The following CTNNA3 variants were observed in gnomAD, a reference collection of about 807,000 sequenced individuals.
CTNNA3 encodes catenin alpha-3.
CTNNA3 carries 76 observed loss-of-function variants against 95.7 expected under a neutral mutation model. That is an observed-to-expected ratio of 0.79 (90% CI 0.66 to 0.96). The LOEUF (loss-of-function observed/expected upper bound fraction) is 0.96. CTNNA3 is among the 40% of genes least tolerant of loss of function. The pLI, the probability that CTNNA3 is intolerant of heterozygous loss-of-function variation, is 0.00. For synonymous variants in CTNNA3, 431 were observed against 374.4 expected (o/e 1.15, Z -1.74); for missense variants, 1,191 against 1,089.8 (o/e 1.09, Z -1.31).
intron 14 of CTNNA3, among the ~76,000 whole-genome samples, chr10:66,098,227 A>G (rs1374638305): frequency 6.6e-6 from 1 of 152,196 alleles, no homozygotes; most frequent in Non-Finnish European, 1.5e-5. Context: ...TGACTCTATA[A>G]TGCTGGCTGT....
At chr10:66,598,866 G>C (rs555308943) in intron 10 of CTNNA3, among the ~76,000 whole-genome samples, 1 of 152,004 alleles carries the variant, frequency 6.6e-6, no homozygotes, top group South Asian at 2.1e-4. Flanking sequence ...CAGAATCCCA[G>C]TGGCATTTTT....
intron 10 of CTNNA3, among the ~76,000 whole-genome samples, chr10:66,606,516 C>T (rs191422691): frequency 3.0e-4 from 46 of 152,166 alleles, no homozygotes; most frequent in Non-Finnish European, 3.5e-4. Context: ...TACAATCAGA[C>T]ATAACACACT....
At chr10:66,585,435 C>T (rs1843328618) in intron 10 of CTNNA3, among the ~76,000 whole-genome samples, 1 of 151,384 alleles carries the variant, frequency 6.6e-6, no homozygotes. Context: ...ATTTGAAAGC[C>T]TTGTTTTTGA....
chr10:67,236,259 C>T (rs1299656115), intron 5 of CTNNA3, among the ~76,000 whole-genome samples: 3 of 149,906 alleles, frequency 2.0e-5, no homozygotes, highest in African/African-American at 7.4e-5. Flanking sequence ...TTGGAACCAA[C>T]CCAAATGTCC....
chr10:66,112,971 C>A (rs1196818921), intron 13 of CTNNA3, among the ~76,000 whole-genome samples: 1 of 152,088 alleles, frequency 6.6e-6, no homozygotes, highest in Non-Finnish European at 1.5e-5. Context: ...GATTTCAATT[C>A]TTTGGGACAT....
At chr10:66,830,940 C>A (rs1483251145) in intron 7 of CTNNA3, among the ~76,000 whole-genome samples, 3 of 151,568 alleles carry the variant, frequency 2.0e-5, no homozygotes, top group Non-Finnish European at 4.4e-5. Flanking sequence ...ACCTTTATGT[C>A]CTCAAAAAGT....
intron 5 of CTNNA3, among the ~76,000 whole-genome samples, chr10:67,249,222 G>T (rs924210072): frequency 2.6e-5 from 4 of 151,946 alleles, no homozygotes; most frequent in African/African-American, 9.7e-5. Context: ...AATATATAAA[G>T]AGCTATAAAA....
intron 5 of CTNNA3, among the ~76,000 whole-genome samples, chr10:67,396,470 A>G (rs1279472681): frequency 6.6e-6 from 1 of 152,140 alleles, no homozygotes; most frequent in Non-Finnish European, 1.5e-5. Flanking sequence ...TGTACAGATG[A>G]CCACTGAATA....
At chr10:66,629,032 C>T (rs1413067968) in intron 9 of CTNNA3, among the ~76,000 whole-genome samples, 1 of 151,976 alleles carries the variant, frequency 6.6e-6, no homozygotes, top group East Asian at 1.9e-4. Context: ...TTCAATGAGA[C>T]TTAGAAAAAG....
chr10:67,250,409 G>C (rs753845481), intron 5 of CTNNA3, among the ~76,000 whole-genome samples: 2 of 152,012 alleles, frequency 1.3e-5, no homozygotes, highest in Non-Finnish European at 2.9e-5. Context: ...TAGAAATGGG[G>C]TTTCACTGTG....
At chr10:66,097,852 G>A (rs959905490) in intron 14 of CTNNA3, 6 of 152,056 alleles carry the variant, frequency 3.9e-5, no homozygotes, top group Admixed American at 1.3e-4. Context: ...TAGAATTCTC[G>A]TTTTATTGAA....
intron 11 of CTNNA3, among the ~76,000 whole-genome samples, chr10:66,380,625 C>CTATCTATCTATATA (rs777137490): frequency 8.1e-6 from 1 of 122,874 alleles, no homozygotes; most frequent in South Asian, 2.4e-4. Flanking sequence ...ATCTATCTAT[C>CTATCTATCTATATA]TATATATATA....
At chr10:66,522,098 TA>T (rs779543246) in intron 10 of CTNNA3, among the ~76,000 whole-genome samples, 12 of 152,188 alleles carry the variant, frequency 7.9e-5, no homozygotes, top group Admixed American at 6.6e-4. Flanking sequence ...AATAATATAA[TA>T]TTTTTTTAAT....
At chr10:67,549,626 G>T (rs767079473) in intron 3 of CTNNA3, among the ~76,000 whole-genome samples, 4 of 152,066 alleles carry the variant, frequency 2.6e-5, no homozygotes, top group Non-Finnish European at 5.9e-5. Flanking sequence ...GACAGAGTCG[G>T]CAAACTATGG....
intron 10 of CTNNA3, among the ~76,000 whole-genome samples, chr10:66,578,422 T>G (rs1459019818): frequency 2.6e-5 from 4 of 152,074 alleles, no homozygotes; most frequent in African/African-American, 9.7e-5. Context: ...CTTCCAGCTT[T>G]CACCTAATTG....
At chr10:66,100,969 GT>G (rs2081601811) in intron 14 of CTNNA3, among the ~76,000 whole-genome samples, 1 of 152,080 alleles carries the variant, frequency 6.6e-6, no homozygotes, top group Non-Finnish European at 1.5e-5. Flanking sequence ...AAACTGAGGT[GT>G]GTTTATCCTA....
At chr10:67,269,643 T>C (rs1838873981) in intron 5 of CTNNA3, among the ~76,000 whole-genome samples, 1 of 152,138 alleles carries the variant, frequency 6.6e-6, no homozygotes, top group Non-Finnish European at 1.5e-5. Context: ...TCCAAACAAG[T>C]GCTCCTCCAA....
chr10:66,689,552 T>A (rs984924202), intron 9 of CTNNA3, among the ~76,000 whole-genome samples: 1 of 152,204 alleles, frequency 6.6e-6, no homozygotes, highest in African/African-American at 2.4e-5. Flanking sequence ...AAAGAGGTGA[T>A]ATTAATTATA....
chr10:67,564,129 G>C (rs942214178), intron 3 of CTNNA3, among the ~76,000 whole-genome samples: 1 of 149,716 alleles, frequency 6.7e-6, no homozygotes, highest in African/African-American at 2.5e-5. Flanking sequence ...TTGACCCAGT[G>C]ATCCCATTAC....
Sources: gnomAD v4.1 joint callset for allele counts (sites outside exome capture counted in the v4.1 genomes callset) on GRCh38, gnomAD v4.1.1 for gene constraint, MANE v1.5 for transcripts, NCBI Gene and HGNC (gene_info 2026-07-23, HGNC 2026-07-21) for gene names.